SLC12A8: variants seen among roughly 807,000 people sequenced by gnomAD.
SLC12A8 encodes the protein solute carrier family 12 member 8, also known as cation-chloride cotransporter 9.
In SLC12A8, 69 loss-of-function variants were observed where a neutral mutation model predicts 75.6. The observed-to-expected ratio is 0.91, with a 90% CI of 0.75 to 1.11. The LOEUF (loss-of-function observed/expected upper bound fraction) is 1.11. Ranked by LOEUF, SLC12A8 falls within the 50% of genes most tolerant of loss-of-function variation. The pLI is 0.00. For synonymous variants in SLC12A8, 365 were observed against 372.8 expected (o/e 0.98, Z 0.24); for missense variants, 877 against 896.7 (o/e 0.98, Z 0.28).
At position 125,091,454 on chromosome 3, in the gene SLC12A8, G is replaced by C; in HGVS notation, c.1906C>G (p.Pro636Ala). Residue 636 changes from proline (P) to alanine (A), a missense_variant, in exon 12 of 14, where the codon CCA (proline) becomes GCA (alanine). Pro to Ala is a conservative substitution (Grantham distance 27, BLOSUM62 -1). Transcript: ENST00000469902. Reference protein sequence around the residue: ...IVYFYIGRASPGLHLGSASNF... With the variant: ...IVYFYIGRASAGLHLGSASNF... ...TGCTGCTTACCAAGGTGAAGCCCTGGACTGGCCCGGCCAATGTAGAAATAC... is the reference window on the plus strand; with the variant it reads ...TGCTGCTTACCAAGGTGAAGCCCTGCACTGGCCCGGCCAATGTAGAAATAC... The C allele has an allele frequency of 1.9e-6, 3 of 1,613,364 alleles. No homozygotes were observed. Among genetic ancestry groups the C allele is most frequent in the Non-Finnish European group, 2.5e-6 (3 of 1,179,448 alleles).
intron 6 of SLC12A8, 184 bp from the exon 7 acceptor site, chr3:125,120,870 T>C (rs1330644093): frequency 2.8e-6 from 2 of 703,914 alleles, no homozygotes; most frequent in Admixed American, 2.0e-5. Context: ...GGCATCCCTG[T>C]GGCGTGAAAG....
chr3:125,170,007 T>C (rs1934374529), intron 5 of SLC12A8, among the ~76,000 whole-genome samples: 1 of 1,826 alleles, frequency 5.5e-4, no homozygotes, highest in African/African-American at 2.0e-3. Context: ...TTATAGACAA[T>C]TCAAAGAAAA....
At chr3:125,204,216 A>C (rs1424748328) in intron 2 of SLC12A8, among the ~76,000 whole-genome samples, 1 of 152,250 alleles carries the variant, frequency 6.6e-6, no homozygotes, top group Non-Finnish European at 1.5e-5. Flanking sequence ...CATATGATCC[A>C]GCAATCCCAC....
intron 10 of SLC12A8, among the ~76,000 whole-genome samples, chr3:125,102,462 A>C (rs547985425): frequency 2.0e-5 from 3 of 152,304 alleles, no homozygotes; most frequent in Admixed American, 2.0e-4. Flanking sequence ...TCCAGCAAGC[A>C]TTTTTAAGTA....
intron 13 of SLC12A8, among the ~76,000 whole-genome samples, chr3:125,087,198 G>A (rs1374331866): frequency 7.3e-5 from 11 of 150,556 alleles, no homozygotes; most frequent in African/African-American, 2.5e-4. Flanking sequence ...GGGTTCAAGC[G>A]ATTCTCCTGC....
At chr3:125,135,349 T>C (rs993442797) in intron 6 of SLC12A8, among the ~76,000 whole-genome samples, 4 of 152,210 alleles carry the variant, frequency 2.6e-5, no homozygotes, top group Admixed American at 2.6e-4. Context: ...GTATCCTTTC[T>C]ATGAACAAAA....
intron 7 of SLC12A8, 130 bp downstream of exon 7, chr3:125,120,468 AG>A: frequency 1.3e-6 from 1 of 747,462 alleles, no homozygotes; most frequent in South Asian, 1.5e-5. Context: ...GAGTGTTAAA[AG>A]AAGGATCGGA....
At chr3:125,091,654 T>A (rs1341260980) in intron 11 of SLC12A8, 98 bp from the exon 12 acceptor site, 22 of 798,726 alleles carry the variant, frequency 2.8e-5, no homozygotes, top group Admixed American at 1.1e-4. Context: ...TTCCCTCTCA[T>A]CAACTTCTGA....
intron 10 of SLC12A8, among the ~76,000 whole-genome samples, chr3:125,095,778 A>G (rs1938696923): frequency 6.6e-6 from 1 of 152,244 alleles, no homozygotes; most frequent in Non-Finnish European, 1.5e-5. Flanking sequence ...GAGTGGATGC[A>G]TGGAAGAGAG....
At chr3:125,114,446 A>G (rs1939258841) in intron 8 of SLC12A8, among the ~76,000 whole-genome samples, 2 of 152,150 alleles carry the variant, frequency 1.3e-5, no homozygotes, top group African/African-American at 4.8e-5. Context: ...TATTTTTGAG[A>G]CAGAGTTTCG....
intron 13 of SLC12A8, 142 bp from the exon 14 acceptor site, chr3:125,084,194 G>A: frequency 3.1e-6 from 2 of 653,070 alleles, no homozygotes; most frequent in Non-Finnish European, 5.2e-6. Context: ...AAAGGTATAT[G>A]TACAGGTATA....
chr3:125,141,673 AGGCTGCG>A lies in SLC12A8; in HGVS notation c.623-5898_623-5892del, dbSNP rs58035397. ...TTTCTAAAAATGATGCTGGGGCTGC[AGGCTGCG>A]GGCTGCGGGCTGCGGGCTGCGGGCT... On this transcript the variant is annotated intron_variant, in intron 5 of 13. Coordinates refer to ENST00000469902, the MANE Select transcript of SLC12A8 (RefSeq NM_024628.6). 2.4e-3 allele frequency among the ~76,000 whole-genome samples: 369 copies of A among 151,930 alleles called. 1 individual carries two copies. The highest frequency in any genetic ancestry group is 7.7e-3 in the African/African-American group (320 of 41,466).
At chr3:125,094,988 T>A (rs1938678191) in intron 10 of SLC12A8, among the ~76,000 whole-genome samples, 1 of 152,200 alleles carries the variant, frequency 6.6e-6, no homozygotes, top group African/African-American at 2.4e-5. Flanking sequence ...CACTGCCCAC[T>A]CTCTCAGTCT....
intron 8 of SLC12A8, among the ~76,000 whole-genome samples, chr3:125,115,242 C>T (rs1011644019): frequency 1.3e-5 from 2 of 152,128 alleles, no homozygotes; most frequent in Non-Finnish European, 2.9e-5. Context: ...AAAGACGTCG[C>T]CGGGCGCAGT....
intron 6 of SLC12A8, chr3:125,121,026 T>A (rs1315525641): frequency 3.2e-6 from 2 of 618,018 alleles, no homozygotes; most frequent in Non-Finnish European, 5.7e-6. Context: ...GCTGGGACAA[T>A]GCCCTGGAGA....
Position 125,190,939 on chromosome 3 carries a change from G to C in SLC12A8, c.52-418C>G, listed in dbSNP as rs185053616. 9.2e-5 allele frequency among the ~76,000 whole-genome samples: 14 copies of C among 152,316 alleles called. No homozygotes were observed. In the East Asian group the frequency reaches 2.7e-3, roughly 29 times the overall value. On this transcript the variant is annotated intron_variant, in intron 2 of 13. Transcript: ENST00000469902. ...AGCAATAGATGACACTTCTAAGTGA[G>C]TGTGAGATTCTGGGTTTCACCTCCT...
At chr3:125,105,783 A>T (rs1181455376) in intron 10 of SLC12A8, among the ~76,000 whole-genome samples, 1 of 152,138 alleles carries the variant, frequency 6.6e-6, no homozygotes, top group African/African-American at 2.4e-5. Context: ...TAATTTCAGC[A>T]CTTTGGGAGG....
chr3:125,135,220 G>T (rs1280802435), intron 6 of SLC12A8, among the ~76,000 whole-genome samples: 1 of 152,232 alleles, frequency 6.6e-6, no homozygotes, highest in Non-Finnish European at 1.5e-5. Context: ...TCTGGGAGAA[G>T]ATGTGCTGGT....
intron 4 of SLC12A8, among the ~76,000 whole-genome samples, chr3:125,179,968 GA>G (rs1934618983): frequency 6.6e-6 from 1 of 152,074 alleles, no homozygotes; most frequent in African/African-American, 2.4e-5. Flanking sequence ...CCAGGTACCT[GA>G]TGTCTCTGAC....
Sources: gnomAD v4.1 joint callset for allele counts (sites outside exome capture counted in the v4.1 genomes callset) on GRCh38, gnomAD v4.1.1 for gene constraint, MANE v1.5 for transcripts, NCBI Gene and HGNC (gene_info 2026-07-23, HGNC 2026-07-21) for gene names.